The following ETV6 variants were observed in gnomAD, a reference collection of about 807,000 sequenced individuals.
ETV6 encodes the protein ETS variant transcription factor 6, also known as transcription factor ETV6.
In ETV6, 16 loss-of-function variants were observed where a neutral mutation model predicts 51.1. The observed-to-expected ratio is 0.31, with a 90% CI of 0.21 to 0.48. The LOEUF is 0.48. Among genes scored for constraint, ETV6 ranks in the 20% least tolerant of loss-of-function variants. The pLI is 0.99. For synonymous variants in ETV6, 240 were observed against 224.1 expected (o/e 1.07, Z -0.64); for missense variants, 458 against 594.8 (o/e 0.77, Z 2.39).
intron 1 of ETV6, among the ~76,000 whole-genome samples, chr12:11,725,791 CTT>C (rs1324549309): frequency 1.3e-5 from 2 of 152,196 alleles, no homozygotes; most frequent in Non-Finnish European, 2.9e-5. Flanking sequence ...CTGCCTCTCT[CTT>C]GCTTCCTCTC....
chr12:11,870,413 C>T (rs577993098), intron 5 of ETV6, among the ~76,000 whole-genome samples: 1 of 151,938 alleles, frequency 6.6e-6, no homozygotes, highest in Non-Finnish European at 1.5e-5. Context: ...ACCTTAGGAG[C>T]GGGTAGGAGA....
At chr12:11,824,287 C>T (rs1946122563) in intron 2 of ETV6, among the ~76,000 whole-genome samples, 1 of 152,156 alleles carries the variant, frequency 6.6e-6, no homozygotes. Flanking sequence ...CCAAAAATAG[C>T]CAAGAGGTAT....
At chr12:11,822,496 T>A (rs1362786045) in intron 2 of ETV6, among the ~76,000 whole-genome samples, 3 of 152,224 alleles carry the variant, frequency 2.0e-5, no homozygotes, top group Admixed American at 1.3e-4. Flanking sequence ...CCCTTTACTG[T>A]TCACATCCAG....
chr12:11,669,411 C>CTCCCTCCCTCCCTCCCTACT, intron 1 of ETV6, among the ~76,000 whole-genome samples: 1 of 117,618 alleles, frequency 8.5e-6, no homozygotes, highest in South Asian at 2.9e-4. Context: ...CCTTTCCTCC[C>CTCCCTCCCTCCCTCCCTACT]TTCCTCCTTC....
chr12:11,730,655 A>G (rs929264460), intron 1 of ETV6, among the ~76,000 whole-genome samples: 1 of 152,212 alleles, frequency 6.6e-6, no homozygotes. Flanking sequence ...CTACAGGTGC[A>G]GAGAATGGTT....
Position 11,895,004 on chromosome 12 carries a change from T to G in ETV6, c.*3958T>G, listed in dbSNP as rs901155037. On this transcript the variant is annotated 3_prime_UTR_variant, in exon 8 of 8. Coordinates refer to ENST00000396373, the MANE Select transcript of ETV6 (RefSeq NM_001987.5). ...AAAGGCTGTGACACAAGGAAGCCAGTGGGGTGGGAGGGAGGCACCATAATC... is the reference window on the plus strand; with the variant it reads ...AAAGGCTGTGACACAAGGAAGCCAGGGGGGTGGGAGGGAGGCACCATAATC... 1 of 233,580 alleles carries G rather than the reference T, an allele frequency of 4.3e-6. No individual in the cohort carries two copies. Among genetic ancestry groups the G allele is most frequent in the African/African-American group, 2.2e-5 (1 of 45,338 alleles). The allele number at this position is 233,580 out of a possible 1,614,324, so 14.5% of individuals were successfully genotyped here. A position where few individuals can be genotyped will look rare whatever the true frequency, so the allele number is the denominator to read the frequency against.
At chr12:11,845,947 AC>A (rs1266210755) in intron 3 of ETV6, among the ~76,000 whole-genome samples, 1 of 151,168 alleles carries the variant, frequency 6.6e-6, no homozygotes, top group Non-Finnish European at 1.5e-5. Flanking sequence ...AGCCGAGATC[AC>A]GCCATTGCTC....
At chr12:11,728,496 G>A (rs537500979) in intron 1 of ETV6, among the ~76,000 whole-genome samples, 2 of 152,276 alleles carry the variant, frequency 1.3e-5, no homozygotes, top group African/African-American at 4.8e-5. Flanking sequence ...TAGGTTGTGT[G>A]CTTCTTATGA....
At chr12:11,679,606 A>C (rs1171811463) in intron 1 of ETV6, among the ~76,000 whole-genome samples, 1 of 152,188 alleles carries the variant, frequency 6.6e-6, no homozygotes, top group Non-Finnish European at 1.5e-5. Flanking sequence ...CCGGTCTATA[A>C]ATAAATACTT....
At chr12:11,696,543 G>A (rs948988796) in intron 1 of ETV6, among the ~76,000 whole-genome samples, 1 of 152,168 alleles carries the variant, frequency 6.6e-6, no homozygotes, top group African/African-American at 2.4e-5. Flanking sequence ...TCCCAGCCAG[G>A]CGCAGTGGCT....
intron 2 of ETV6, among the ~76,000 whole-genome samples, chr12:11,791,339 A>T (rs916828521): frequency 6.6e-6 from 1 of 152,196 alleles, no homozygotes; most frequent in Admixed American, 6.5e-5. Context: ...GCTAAAATTA[A>T]CTTCCTCCTC....
At chr12:11,667,238 C>A (rs71455400) in intron 1 of ETV6, among the ~76,000 whole-genome samples, 5,319 of 152,204 alleles carry the variant, frequency 0.035, 112 homozygotes, top group Admixed American at 0.062. Context: ...ATCATCAGGT[C>A]TTTATTAAGC....
chr12:11,738,336 A>T (rs1865748453), intron 1 of ETV6, among the ~76,000 whole-genome samples: 2 of 117,712 alleles, frequency 1.7e-5, no homozygotes, highest in African/African-American at 4.4e-5. Context: ...TTTAAATTTG[A>T]GACAGGGTCT....
intron 1 of ETV6, chr12:11,751,904 C>A: frequency 6.4e-6 from 3 of 471,982 alleles, no homozygotes; most frequent in Non-Finnish European, 1.3e-5. Flanking sequence ...GATAGGTGGA[C>A]AATAGAAAAA....
At position 11,808,974 on chromosome 12, in the gene ETV6, G is replaced by A. The variant is rs1393342782; in HGVS notation, c.164-30166G>A. 2.6e-5 allele frequency among the ~76,000 whole-genome samples: 4 copies of A among 152,112 alleles called. No individual in the cohort carries two copies. The East Asian group carries it at 7.7e-4, about 29-fold the overall frequency. On this transcript the variant is annotated intron_variant, in intron 2 of 7. Coordinates refer to ENST00000396373, the MANE Select transcript of ETV6 (RefSeq NM_001987.5). ...AGGTCAGGAGTTGGAGACGAGCCTG[G>A]CCAACACGGCAAAACCCTATCTCTA...
chr12:11,649,937 C>T lies in ETV6; in HGVS notation c.-191C>T. On this transcript the variant is annotated 5_prime_UTR_variant, in exon 1 of 8. Transcript: ENST00000396373. ...CGTCTCCCACGCCCCCGCCGCCCCGCGCGCCCAACTCCGCCGGCCGCCCCG... is the reference window on the plus strand; with the variant it reads ...CGTCTCCCACGCCCCCGCCGCCCCGTGCGCCCAACTCCGCCGGCCGCCCCG... The T allele has an allele frequency of 3.1e-6, 1 of 318,378 alleles. No individual in the cohort carries two copies. Among genetic ancestry groups the T allele is most frequent in the Non-Finnish European group, 5.7e-6 (1 of 175,892 alleles). The allele number at this position is 318,378 out of a possible 1,614,324, so 19.7% of individuals were successfully genotyped here.
intron 2 of ETV6, among the ~76,000 whole-genome samples, chr12:11,825,340 G>A (rs1676136606): frequency 6.6e-6 from 1 of 152,144 alleles, no homozygotes; most frequent in Admixed American, 6.5e-5. Flanking sequence ...ATTTTTTAAA[G>A]AAGAAACAAG....
intron 1 of ETV6, among the ~76,000 whole-genome samples, chr12:11,747,930 A>G (rs980062363): frequency 2.0e-5 from 3 of 152,260 alleles, no homozygotes; most frequent in Admixed American, 6.5e-5. Context: ...AATAAATTTC[A>G]ATAAATAGCT....
intron 7 of ETV6, 56 bp downstream of exon 7, chr12:11,886,082 TA>T (rs1947178402): frequency 1.3e-5 from 16 of 1,268,724 alleles, no homozygotes; most frequent in Non-Finnish European, 1.8e-5. Context: ...TTTCTTTAAA[TA>T]ACGGGGAGTG....
Sources: allele counts gnomAD v4.1 joint callset (sites outside exome capture counted in the v4.1 genomes callset), GRCh38; gene constraint gnomAD v4.1.1; transcripts MANE v1.5; gene names NCBI Gene and HGNC (gene_info 2026-07-23, HGNC 2026-07-21).